PTPRD: variants seen among roughly 807,000 people sequenced by gnomAD.
PTPRD encodes the protein receptor-type tyrosine-protein phosphatase delta.
Under a neutral mutation model 214.5 loss-of-function variants are expected in PTPRD, and 34 were observed. That is an observed-to-expected ratio of 0.16 (90% CI 0.12 to 0.21). The LOEUF is 0.21. PTPRD is among the 10% of genes least tolerant of loss of function. PTPRD has a pLI of 1.00. For missense variants in PTPRD, 2,545 were observed against 2,398.7 expected (o/e 1.06, Z -1.27); for synonymous variants, 1,128 against 845.7 (o/e 1.33, Z -5.79).
At chr9:9,333,883 C>A (rs1041383390) in intron 9 of PTPRD, among the ~76,000 whole-genome samples, 1 of 151,844 alleles carries the variant, frequency 6.6e-6, no homozygotes, top group African/African-American at 2.4e-5. Flanking sequence ...AACACTGGAA[C>A]ACCTAATGCT....
At chr9:10,589,488 A>T (rs1021663710) in intron 2 of PTPRD, among the ~76,000 whole-genome samples, 1 of 152,116 alleles carries the variant, frequency 6.6e-6, no homozygotes, top group Non-Finnish European at 1.5e-5. Flanking sequence ...GTTTCAATAA[A>T]TGACTAAGAC....
At chr9:8,374,798 C>T (rs2082730805) in intron 39 of PTPRD, among the ~76,000 whole-genome samples, 1 of 151,828 alleles carries the variant, frequency 6.6e-6, no homozygotes, top group Non-Finnish European at 1.5e-5. Flanking sequence ...GAAACTTTAT[C>T]CTGTTTGGAA....
intron 4 of PTPRD, among the ~76,000 whole-genome samples, chr9:9,951,595 G>C (rs1298011015): frequency 3.3e-5 from 5 of 152,204 alleles, no homozygotes; most frequent in African/African-American, 9.6e-5. Flanking sequence ...CCCTTGCCTG[G>C]AGGGCATACA....
Position 8,314,577 on chromosome 9 carries a change from C to G in PTPRD, c.*3297G>C. 4.3e-6 allele frequency: 1 copy of G among 232,134 alleles called. No individual in the cohort carries two copies. The highest frequency in any genetic ancestry group is 6.1e-5 in the East Asian group (1 of 16,496). The allele number at this position is 232,134 out of a possible 1,614,324, so 14.4% of individuals were successfully genotyped here. A position where few individuals can be genotyped will look rare whatever the true frequency, so the allele number is the denominator to read the frequency against. ...CGGATGGATAGAATGGATCTGTAGCCTTCTGATCTCTGCTGGAGTATCAGG... is the reference window on the plus strand; with the variant it reads ...CGGATGGATAGAATGGATCTGTAGCGTTCTGATCTCTGCTGGAGTATCAGG... On this transcript the variant is annotated 3_prime_UTR_variant, in exon 46 of 46. Transcript: ENST00000381196.
rs111455337 is a variant in PTPRD, at chr9:9,950,951, G to T, written c.-471-12341C>A. Among the ~76,000 whole-genome samples, 699 of 152,190 alleles carry T rather than the reference G, an allele frequency of 4.6e-3. 5 individuals carry two copies. Among genetic ancestry groups the T allele is most frequent in the African/African-American group, 0.016 (677 of 41,526 alleles). On this transcript the variant is annotated intron_variant, in intron 4 of 45. Transcript: ENST00000381196. Reference sequence around the variant, plus strand: ...AAAGCATTTGAAATCAGGCATAGCAGCAGAAAGCTGACTCTAAGAATAGAA... The same window carrying T: ...AAAGCATTTGAAATCAGGCATAGCATCAGAAAGCTGACTCTAAGAATAGAA...
At chr9:10,276,624 C>T (rs958276612) in intron 3 of PTPRD, among the ~76,000 whole-genome samples, 5 of 152,170 alleles carry the variant, frequency 3.3e-5, no homozygotes, top group African/African-American at 4.8e-5. Context: ...ATAAAATTCA[C>T]TCTTGTATAT....
chr9:9,713,530 GGTT>G (rs1316784653), intron 7 of PTPRD, among the ~76,000 whole-genome samples: 1 of 151,974 alleles, frequency 6.6e-6, no homozygotes, highest in Non-Finnish European at 1.5e-5. Flanking sequence ...CAAACTATAG[GGTT>G]CAAAGCATAA....
chr9:8,571,301 C>A (rs893275131), intron 14 of PTPRD, among the ~76,000 whole-genome samples: 3 of 152,040 alleles, frequency 2.0e-5, no homozygotes, highest in Non-Finnish European at 4.4e-5. Context: ...CCAGCTGATT[C>A]CAACAAAAAC....
At chr9:8,454,637 T>C (rs1443500129) in intron 33 of PTPRD, 1 of 1,607,016 alleles carries the variant, frequency 6.2e-7, no homozygotes, top group South Asian at 1.1e-5. Flanking sequence ...AAAGGCTAAA[T>C]GTTAGTTGGC....
At chr9:10,025,795 C>G (rs2154124463) in intron 4 of PTPRD, among the ~76,000 whole-genome samples, 1 of 151,910 alleles carries the variant, frequency 6.6e-6, no homozygotes, top group South Asian at 2.1e-4. Context: ...CCTATTCATC[C>G]CAAGTCAAGA....
chr9:9,589,532 T>A lies in PTPRD; in HGVS notation c.-286-14751A>T, dbSNP rs542912232. The stretch of plus-strand genomic sequence containing the variant: ...TTTTTCTTAGGAAGTTAATCAGCAA[T>A]CTATGGCAACAATCAGTACACTGTG... On this transcript the variant is annotated intron_variant, in intron 7 of 45. Transcript: ENST00000381196. Among the ~76,000 whole-genome samples, 3 of 152,124 alleles carry A rather than the reference T, an allele frequency of 2.0e-5. No individual in the cohort carries two copies. The South Asian group carries it at 6.2e-4, about 32-fold the overall frequency.
intron 8 of PTPRD, among the ~76,000 whole-genome samples, chr9:9,486,325 T>C (rs2095635805): frequency 6.6e-6 from 1 of 152,124 alleles, no homozygotes; most frequent in Non-Finnish European, 1.5e-5. Flanking sequence ...TTTCAGTCTC[T>C]TTTCCACCCC....
chr9:9,314,736 G>T, intron 9 of PTPRD, among the ~76,000 whole-genome samples: 1 of 151,970 alleles, frequency 6.6e-6, no homozygotes, highest in East Asian at 1.9e-4. Flanking sequence ...AGCCAGTGTC[G>T]AAATGAATGG....
At chr9:9,971,930 CATATT>C (rs1463203061) in intron 4 of PTPRD, among the ~76,000 whole-genome samples, 2 of 151,978 alleles carry the variant, frequency 1.3e-5, no homozygotes, top group Non-Finnish European at 2.9e-5. Flanking sequence ...TTGCTGGTAA[CATATT>C]AGAACTTCAG....
chr9:10,273,805 G>A (rs762953025), intron 3 of PTPRD, among the ~76,000 whole-genome samples: 1 of 152,096 alleles, frequency 6.6e-6, no homozygotes, highest in Non-Finnish European at 1.5e-5. Context: ...ATACCATAAA[G>A]GTTAAAACAC....
chr9:9,073,651 T>A (rs893162828), intron 10 of PTPRD, among the ~76,000 whole-genome samples: 7 of 152,198 alleles, frequency 4.6e-5, no homozygotes, highest in African/African-American at 1.2e-4. Flanking sequence ...GATGCAAGAC[T>A]CTTAACTGCA....
In PTPRD at chr9:8,331,565, C is replaced by CTTGA; in HGVS notation, c.5534+16_5534+17insTCAA. ...CACCACCACTTATCACTGCTTTATT[C>CTTGA]ACAAATGGAAACTTACCTGCAATGG... is the stretch of plus-strand genomic sequence containing the variant. On this transcript the variant is annotated intron_variant, in intron 44 of 45. Transcript: ENST00000381196. The CTTGA allele has an allele frequency of 1.3e-6, 2 of 1,599,052 alleles. No homozygotes were observed. Among genetic ancestry groups the CTTGA allele is most frequent in the Non-Finnish European group, 1.7e-6 (2 of 1,174,482 alleles).
intron 8 of PTPRD, among the ~76,000 whole-genome samples, chr9:9,469,480 G>A (rs146599484): frequency 6.6e-6 from 1 of 152,092 alleles, no homozygotes; most frequent in African/African-American, 2.4e-5. Flanking sequence ...CATCTACTGA[G>A]CTTGAGACAG....
At chr9:9,905,216 T>G (rs1566164805) in intron 5 of PTPRD, among the ~76,000 whole-genome samples, 1 of 152,008 alleles carries the variant, frequency 6.6e-6, no homozygotes, top group Non-Finnish European at 1.5e-5. Context: ...TATCTACATA[T>G]CTTCTGTAGC....
Sources: allele counts gnomAD v4.1 joint callset (sites outside exome capture counted in the v4.1 genomes callset), GRCh38; gene constraint gnomAD v4.1.1; transcripts MANE v1.5; gene names NCBI Gene and HGNC (gene_info 2026-07-23, HGNC 2026-07-21).